LPCAT3: variants seen among roughly 807,000 people sequenced by gnomAD.
The protein encoded by LPCAT3 is lysophosphatidylcholine acyltransferase 3, also known as lysophospholipid acyltransferase 5.
LPCAT3 carries 21 observed loss-of-function variants against 63.4 expected under a neutral mutation model. The observed-to-expected ratio is 0.33, with a 90% CI of 0.23 to 0.48. The LOEUF (loss-of-function observed/expected upper bound fraction) is 0.48. Ranked by LOEUF, LPCAT3 falls within the 20% of genes least tolerant of loss-of-function variation. The pLI, the probability that LPCAT3 is intolerant of heterozygous loss-of-function variation, is 0.99. For missense variants in LPCAT3, 451 were observed against 590.6 expected, an observed-to-expected ratio of 0.76 and a Z score of 2.45; for synonymous variants, 242 against 227.5, an observed-to-expected ratio of 1.06 and a Z score of -0.58.
chr12:7,004,355 G>A (rs1946712110), intron 1 of LPCAT3, among the ~76,000 whole-genome samples: 1 of 152,126 alleles, frequency 6.6e-6, no homozygotes, highest in African/African-American at 2.4e-5. Flanking sequence ...GCTTGACATT[G>A]TAAACACTTT....
At position 6,999,828 on chromosome 12, in the gene LPCAT3, G is replaced by A. The variant is rs781907934; in HGVS notation, c.152-16289C>T. ...TTTGTAAATCAGTGAATCCCCTGGT[G>A]CAACTTCTAGCCAGATTATCTGGGC... On this transcript the variant is annotated intron_variant, in intron 1 of 12. Transcript: ENST00000261407. 3.3e-5 allele frequency among the ~76,000 whole-genome samples: 5 copies of A among 151,806 alleles called. No homozygotes were observed. The East Asian group carries it at 7.7e-4, about 23-fold the overall frequency.
chr12:6,987,036 C>A lies in LPCAT3; in HGVS notation c.152-3497G>T, dbSNP rs1450893655. On this transcript the variant is annotated intron_variant, in intron 1 of 12. Coordinates refer to ENST00000261407, the MANE Select transcript of LPCAT3 (RefSeq NM_005768.6). The surrounding 1 kb of genome is among the most constrained non-coding windows in gnomAD (Gnocchi z 4.1). Reference sequence around the variant, plus strand: ...GCTGAGGCAGGAGAATTGCTTGAACCCAGGAGGCGGAGGTGGCAGTGAGCT... The same window carrying A: ...GCTGAGGCAGGAGAATTGCTTGAACACAGGAGGCGGAGGTGGCAGTGAGCT... Among the ~76,000 whole-genome samples the A allele has an allele frequency of 2.6e-5, 4 of 151,832 alleles. No individual in the cohort carries two copies. Among genetic ancestry groups the A allele is most frequent in the Non-Finnish European group, 5.9e-5 (4 of 67,998 alleles).
In LPCAT3 at chr12:6,979,559, C is replaced by T. The variant is rs1248198874; in HGVS notation, c.698G>A (p.Arg233His). Residue 233 changes from arginine to histidine, a missense_variant, in exon 7 of 13, where the codon CGC becomes CAC. By Grantham distance (29) the Arg-to-His change is conservative. Transcript: ENST00000261407. ...TAGGTAGAAAAGGCCCAGACTCAGGCGCTTGAGAGCAGGAATGATGCTGGA... is the reference window on the plus strand; with the variant it reads ...TAGGTAGAAAAGGCCCAGACTCAGGTGCTTGAGAGCAGGAATGATGCTGGA... Reference protein sequence around the residue: ...IPNSIIPALKRLSLGLFYLVG... With the variant: ...IPNSIIPALKHLSLGLFYLVG... The T allele has an allele frequency of 7.4e-6, 12 of 1,613,624 alleles. No homozygotes were observed. Among genetic ancestry groups the T allele is most frequent in the Admixed American group, 1.7e-5 (1 of 59,990 alleles).
In LPCAT3 at chr12:6,992,071, T is replaced by TA. The variant is rs1253235835; in HGVS notation, c.152-8533dup. Among the ~76,000 whole-genome samples the TA allele has an allele frequency of 2.3e-4, 34 of 147,518 alleles. 1 individual carries two copies. Among genetic ancestry groups the TA allele is most frequent in the Non-Finnish European group, 3.0e-4 (20 of 66,554 alleles). ...GCTGGGTGTGGTGGTGCATACCAGT[T>TA]AAAAAAAAAAGATTTATTCAAGGAC... On this transcript the variant is annotated intron_variant, in intron 1 of 12. Transcript: ENST00000261407.
chr12:6,987,045 G>A lies in LPCAT3; in HGVS notation c.152-3506C>T, dbSNP rs112835184. Among the ~76,000 whole-genome samples the A allele has an allele frequency of 2.3e-3, 356 of 152,070 alleles. 3 individuals are homozygous for A. Among genetic ancestry groups the A allele is most frequent in the African/African-American group, 8.0e-3 (332 of 41,444 alleles). ...GGAGAATTGCTTGAACCCAGGAGGC[G>A]GAGGTGGCAGTGAGCTGAGATCACG... On this transcript the variant is annotated intron_variant, in intron 1 of 12. Coordinates refer to ENST00000261407, the MANE Select transcript of LPCAT3 (RefSeq NM_005768.6). This position sits in a 1 kb window ranked among gnomAD's most constrained non-coding sequence, Gnocchi z 4.1.
At chr12:6,992,613 A>G (rs1946599516) in intron 1 of LPCAT3, among the ~76,000 whole-genome samples, 1 of 152,240 alleles carries the variant, frequency 6.6e-6, no homozygotes, top group Non-Finnish European at 1.5e-5. Flanking sequence ...GGAGTAGTCT[A>G]TGGACTGCAT....
chr12:6,977,153 ATCT>A lies in LPCAT3; in HGVS notation c.1454_1456del (p.Lys485del), dbSNP rs1166003126. 5 of 1,600,420 alleles carry A rather than the reference ATCT, an allele frequency of 3.1e-6. No individual in the cohort carries two copies. The highest frequency in any genetic ancestry group is 4.3e-6 in the Non-Finnish European group (5 of 1,167,542). ...ACTTACCAGGGAAATGGATTATTCCATCTTCTTTAACTTCTCTTTCCTTGGCAC... is the reference window on the plus strand; with the variant it reads ...ACTTACCAGGGAAATGGATTATTCCATCTTTAACTTCTCTTTCCTTGGCAC... On this transcript the variant is annotated inframe_deletion, in exon 12 of 13. Coordinates refer to ENST00000261407, the MANE Select transcript of LPCAT3 (RefSeq NM_005768.6). The surrounding 1 kb of genome is among the most constrained non-coding windows in gnomAD (Gnocchi z 4.5).
chr12:6,993,436 AAG>A (rs1231318824), intron 1 of LPCAT3, among the ~76,000 whole-genome samples: 1 of 152,052 alleles, frequency 6.6e-6, no homozygotes, highest in Non-Finnish European at 1.5e-5. Flanking sequence ...CCATCTCAAA[AAG>A]AAAAAAAAAA....
intron 1 of LPCAT3, among the ~76,000 whole-genome samples, chr12:7,014,510 C>T (rs1246701556): frequency 1.3e-5 from 2 of 152,184 alleles, no homozygotes; most frequent in East Asian, 1.9e-4. Context: ...ACTCCTTTTA[C>T]AGTCTTCTGA....
chr12:7,012,225 T>C (rs1555157291), intron 1 of LPCAT3, among the ~76,000 whole-genome samples: 2 of 152,224 alleles, frequency 1.3e-5, no homozygotes, highest in Non-Finnish European at 2.9e-5. Context: ...CTTTGGACAC[T>C]GAGAGGTGGC....
chr12:6,979,701 A>C (rs1946449793), intron 6 of LPCAT3, 122 bp from the exon 7 acceptor site: 2 of 681,340 alleles, frequency 2.9e-6, no homozygotes, highest in African/African-American at 1.8e-5. Context: ...ATGGGATGAG[A>C]AGCTCTGCTG....
Position 6,978,397 on chromosome 12 carries a change from G to A in LPCAT3, c.984C>T (p.Pro328=), listed in dbSNP as rs782287503. The A allele has an allele frequency of 3.1e-6, 5 of 1,613,916 alleles. No homozygotes were observed. Among genetic ancestry groups the A allele is most frequent in the African/African-American group, 1.3e-5 (1 of 74,974 alleles). Residue 328 remains proline, a synonymous_variant, in exon 9 of 13, where the codon CCC becomes CCT. Coordinates refer to ENST00000261407, the MANE Select transcript of LPCAT3 (RefSeq NM_005768.6). ...NMKVWLFETN[P]RFTGTIASFN... ...ATGAGGCAATGGTGCCAGTGAAGCG[G>A]GGGTTTGTTTCAAAGAGCCACACCT...
intron 5 of LPCAT3, 158 bp downstream of exon 5, chr12:6,981,437 T>G: frequency 1.3e-6 from 1 of 786,904 alleles, no homozygotes; most frequent in Non-Finnish European, 2.2e-6. Flanking sequence ...AAATTAGATT[T>G]GTTGATCCTT....
chr12:6,994,431 C>T (rs981402019), intron 1 of LPCAT3, among the ~76,000 whole-genome samples: 2 of 152,132 alleles, frequency 1.3e-5, no homozygotes, highest in African/African-American at 4.8e-5. Flanking sequence ...TAGTCTCGAA[C>T]TCCTGACCTC....
rs1291287097 is a variant in LPCAT3 at position 6,987,095 on chromosome 12, G to A, written c.152-3556C>T. On this transcript the variant is annotated intron_variant, in intron 1 of 12. Transcript: ENST00000261407. This position sits in a 1 kb window ranked among gnomAD's most constrained non-coding sequence, Gnocchi z 4.1. ...GCCATTGCACTCCAGCTTGGGCAAC[G>A]AGCAAGATTCTGTCTCAAAAAAAAA... 6.6e-6 allele frequency among the ~76,000 whole-genome samples: 1 copy of A among 150,700 alleles called. No individual in the cohort carries two copies. Among genetic ancestry groups the A allele is most frequent in the Non-Finnish European group, 1.5e-5 (1 of 67,968 alleles).
Position 6,976,599 on chromosome 12 carries a change from TGTATTCCC to T in LPCAT3, c.*297_*304del. The stretch of plus-strand genomic sequence containing the variant: ...AATTAGCTGGGCATGGTGGCGTGCC[TGTATTCCC>T]AGCTACTTGGGAGGCTGAGGCAGGA... On this transcript the variant is annotated 3_prime_UTR_variant, in exon 13 of 13. Transcript: ENST00000261407. 6.5e-6 allele frequency: 1 copy of T among 153,380 alleles called. No homozygotes were observed. Among genetic ancestry groups the T allele is most frequent in the Non-Finnish European group, 1.5e-5 (1 of 68,856 alleles). The allele number at this position is 153,380 out of a possible 1,614,324, so 9.5% of individuals were successfully genotyped here. A position where few individuals can be genotyped will look rare whatever the true frequency, so the allele number is the denominator to read the frequency against.
At chr12:7,001,807 A>G (rs1476909427) in intron 1 of LPCAT3, among the ~76,000 whole-genome samples, 1 of 152,126 alleles carries the variant, frequency 6.6e-6, no homozygotes, top group African/African-American at 2.4e-5. Flanking sequence ...ATTTTTCTGT[A>G]TAGTGGTTGA....
chr12:7,009,292 C>G (rs1946746674), intron 1 of LPCAT3, among the ~76,000 whole-genome samples: 1 of 152,188 alleles, frequency 6.6e-6, no homozygotes, highest in South Asian at 2.1e-4. Flanking sequence ...AACTCCTGAC[C>G]TCAGGTGATC....
rs2138339256 is a variant in LPCAT3, at chr12:6,987,652, A to AT, written c.152-4114dup. 2.5e-6 allele frequency: 1 copy of AT among 395,116 alleles called. No homozygotes were observed. Among genetic ancestry groups the AT allele is most frequent in the East Asian group, 3.6e-5 (1 of 27,870 alleles). The allele number at this position is 395,116 out of a possible 1,614,324, so 24.5% of individuals were successfully genotyped here. On this transcript the variant is annotated intron_variant, in intron 1 of 12. Coordinates refer to ENST00000261407, the MANE Select transcript of LPCAT3 (RefSeq NM_005768.6). This position sits in a 1 kb window ranked among gnomAD's most constrained non-coding sequence, Gnocchi z 4.1. ...AGATAATTATCTAGAGCACTCATAA[A>AT]TAAGTTCTAGGTAGCTAAGTTTCTC...
Sources: allele counts gnomAD v4.1 joint callset (sites outside exome capture counted in the v4.1 genomes callset), GRCh38; gene constraint gnomAD v4.1.1; non-coding constraint Gnocchi (gnomAD v3.1); transcripts MANE v1.5; gene names NCBI Gene and HGNC (gene_info 2026-07-23, HGNC 2026-07-21).